The following TSPOAP1 variants were observed in gnomAD, a reference collection of about 807,000 sequenced individuals.
TSPOAP1 encodes TSPO associated protein 1.
A neutral mutation model predicts 197.0 loss-of-function variants in TSPOAP1; 87 were observed. That is an observed-to-expected ratio of 0.44 (90% CI 0.37 to 0.53). The LOEUF is 0.53. Among genes scored for constraint, TSPOAP1 ranks in the 20% least tolerant of loss-of-function variants. The pLI is 0.00. For synonymous variants in TSPOAP1, 913 were observed against 998.9 expected (o/e 0.91, Z 1.62); for missense variants, 2,174 against 2,411.3 (o/e 0.90, Z 2.06).
chr17:58,309,642 T>C lies in TSPOAP1; in HGVS notation c.3892-262A>G, dbSNP rs1229008073. ...CACCAGCCCCTGTGGGACAGGAGCA[T>C]TGAGGAGCAGGCCTCCCCATCCCCT... On this transcript the variant is annotated intron_variant, in intron 21 of 31. Transcript: ENST00000343736. This position sits in a 1 kb window ranked among gnomAD's most constrained non-coding sequence, Gnocchi z 5.0. Among the ~76,000 whole-genome samples, 2 of 152,086 alleles carry C rather than the reference T, an allele frequency of 1.3e-5. No individual in the cohort carries two copies. Among genetic ancestry groups the C allele is most frequent in the Non-Finnish European group, 2.9e-5 (2 of 67,994 alleles).
At chr17:58,307,468 G>C in intron 24 of TSPOAP1, 143 bp downstream of exon 24, 1 of 1,109,920 alleles carries the variant, frequency 9.0e-7, no homozygotes, top group Non-Finnish European at 1.3e-6. Flanking sequence ...AGAAGCAGCA[G>C]AGTCAGGTCC....
chr17:58,319,835 G>A (rs887475683), intron 12 of TSPOAP1, among the ~76,000 whole-genome samples: 2 of 152,244 alleles, frequency 1.3e-5, no homozygotes, highest in Admixed American at 6.5e-5. Context: ...CGGCCACTAT[G>A]GCGAGGCTCC....
In TSPOAP1 at chr17:58,311,159, G is replaced by A. The variant is rs1172456982; in HGVS notation, c.3136C>T (p.Leu1046=). 3.7e-6 allele frequency: 6 copies of A among 1,611,418 alleles called. No homozygotes were observed. The South Asian group carries it at 6.6e-5, about 18-fold the overall frequency. The change falls in exon 19 of 32, where the codon CTG becomes TTG. Residue 1046 remains leucine (L), a synonymous_variant. Coordinates refer to ENST00000343736, the MANE Select transcript of TSPOAP1 (RefSeq NM_004758.4). ...TCACGACACACCTGCAGCAGCTGCAGCTGGGACAACTCCACCAGTACACTG... is the reference window on the plus strand; with the variant it reads ...TCACGACACACCTGCAGCAGCTGCAACTGGGACAACTCCACCAGTACACTG... ...AGSVLVELSQ[L]QLLQVCREVV...
Position 58,306,927 on chromosome 17 carries a change from T to C in TSPOAP1, c.5025A>G (p.Glu1675=), listed in dbSNP as rs1202486794. The change falls in exon 25 of 32, where the codon GAA becomes GAG. Residue 1675 remains glutamate (E), a synonymous_variant. Coordinates refer to ENST00000343736, the MANE Select transcript of TSPOAP1 (RefSeq NM_004758.4). ...DKDADGFYQG[E]GGGRTGYIPC... ...GAATGTAGCCTGTCCGGCCCCCACCTTCGCCCTGGTAGAAGCCATCGGCAT... is the reference window on the plus strand; with the variant it reads ...GAATGTAGCCTGTCCGGCCCCCACCCTCGCCCTGGTAGAAGCCATCGGCAT... The C allele has an allele frequency of 1.9e-6, 3 of 1,613,146 alleles. No individual in the cohort carries two copies. Among genetic ancestry groups the C allele is most frequent in the Non-Finnish European group, 2.5e-6 (3 of 1,180,002 alleles).
chr17:58,323,587 G>T, intron 5 of TSPOAP1, 42 bp from the exon 6 acceptor site: 2 of 1,596,826 alleles, frequency 1.3e-6, no homozygotes, highest in South Asian at 2.3e-5. Flanking sequence ...CTGAGAACAG[G>T]GCCCCAGGGC....
rs566021368 is a variant in TSPOAP1 at position 58,311,414 on chromosome 17, C to T, written c.3081+157G>A. ...GTGATGGAACAGTTCTAAAATCTGT[C>T]ATGTGCTGCCAAAGCCCATGCTCTT... On this transcript the variant is annotated intron_variant, in intron 18 of 31. Transcript: ENST00000343736. 1.2e-3 allele frequency: 1,508 copies of T among 1,261,742 alleles called. 1 individual carries two copies. The highest frequency in any genetic ancestry group is 1.1e-3 in the Non-Finnish European group (987 of 928,248). The allele number at this position is 1,261,742 out of a possible 1,614,324, so 78.2% of individuals were successfully genotyped here.
At position 58,310,509 on chromosome 17, in the gene TSPOAP1, T is replaced by C; in HGVS notation, c.3699+3A>G. 2 of 1,612,724 alleles carry C rather than the reference T, an allele frequency of 1.2e-6. No individual in the cohort carries two copies. The highest frequency in any genetic ancestry group is 8.5e-7 in the Non-Finnish European group (1 of 1,179,630). ...GTGACACAGTGTGTCCCCAAACCCC[T>C]ACCTCAGCCCTGGGCCTCAGCCCAG... On this transcript the variant is annotated splice_donor_region_variant and intron_variant, in intron 20 of 31. Transcript: ENST00000343736.
Position 58,308,628 on chromosome 17 carries a change from G to C in TSPOAP1, c.4644C>G (p.Pro1548=). ...TCTCCCAGGCTGGGAGGCGTGGGTAGGGCTTGGGGCCTGAATTGGCCTTCG... is the reference window on the plus strand; with the variant it reads ...TCTCCCAGGCTGGGAGGCGTGGGTACGGCTTGGGGCCTGAATTGGCCTTCG... ...GPPKANSGPK[P]YPRLPAWEKG... The change falls in exon 22 of 32, where the codon CCC becomes CCG. Residue 1548 remains proline (P), a synonymous_variant. Coordinates refer to ENST00000343736, the MANE Select transcript of TSPOAP1 (RefSeq NM_004758.4). The C allele has an allele frequency of 1.9e-6, 3 of 1,604,052 alleles. No individual in the cohort carries two copies. Among genetic ancestry groups the C allele is most frequent in the African/African-American group, 1.3e-5 (1 of 74,796 alleles).
rs1034608231 is a variant in TSPOAP1 at position 58,310,383 on chromosome 17, C to T, written c.3699+129G>A. The T allele has an allele frequency of 1.8e-5, 25 of 1,396,942 alleles. No individual in the cohort carries two copies. The African/African-American group carries it at 2.8e-4, about 15-fold the overall frequency. 86.5% of individuals were successfully genotyped at this position (1,396,942 alleles called of 1,614,324 possible). A position where few individuals can be genotyped will look rare whatever the true frequency, so the allele number is the denominator to read the frequency against. On this transcript the variant is annotated intron_variant, in intron 20 of 31. Transcript: ENST00000343736. ...CTAGAAGAAAAACAGACACATAGCA[C>T]AGCCAAAGGTGTGAGAGCAGGACCA...
rs1014894969 is a variant in TSPOAP1, at chr17:58,320,006, C to A, written c.1494+103G>T. 7.6e-6 allele frequency: 11 copies of A among 1,454,210 alleles called. No homozygotes were observed. In the African/African-American group the frequency reaches 1.1e-4, roughly 15 times the overall value. The allele number at this position is 1,454,210 out of a possible 1,614,324, so 90.1% of individuals were successfully genotyped here. On this transcript the variant is annotated intron_variant, in intron 12 of 31. Coordinates refer to ENST00000343736, the MANE Select transcript of TSPOAP1 (RefSeq NM_004758.4). ...ATTCTCATGCCTGCTCCCAGTGACA[C>A]CCCCTCTGCTGGATGAGAGAGGGGG...
Position 58,322,938 on chromosome 17 carries a change from C to A in TSPOAP1, c.1194+12G>T, listed in dbSNP as rs199738873. The A allele has an allele frequency of 2.0e-4, 327 of 1,607,636 alleles. 1 individual carries two copies. The African/African-American group carries it at 4.2e-3, about 20-fold the overall frequency. ...AGCACAGGTCTCCACAGCACCTGGGCGGAAGTGGTACCTGCTCCTTCTCTG... is the reference window on the plus strand; with the variant it reads ...AGCACAGGTCTCCACAGCACCTGGGAGGAAGTGGTACCTGCTCCTTCTCTG... On this transcript the variant is annotated intron_variant, in intron 8 of 31. Transcript: ENST00000343736. The surrounding 1 kb of genome is among the most constrained non-coding windows in gnomAD (Gnocchi z 5.0).
At chr17:58,327,428 T>C (rs1326183645) in intron 1 of TSPOAP1, among the ~76,000 whole-genome samples, 160 bp downstream of exon 1, 1 of 152,084 alleles carries the variant, frequency 6.6e-6, no homozygotes, top group East Asian at 1.9e-4. Context: ...TTCTGCTCGA[T>C]GAAGAGAGGA....
Position 58,309,047 on chromosome 17 carries a change from C to T in TSPOAP1, c.4225G>A (p.Gly1409Arg). The T allele has an allele frequency of 6.2e-7, 1 of 1,612,448 alleles. No homozygotes were observed. Among genetic ancestry groups the T allele is most frequent in the Non-Finnish European group, 8.5e-7 (1 of 1,180,022 alleles). ...CTTGGGGGCTTCTCAGGGGAGCCCC[C>T]TCCTCTCCTCCGGCTGCTTCCACCA... ...LVGGSSRRRG[G>R]GSPEKPPSRR... The change falls in exon 22 of 32, where the codon GGG becomes AGG. Residue 1409 changes from glycine (G) to arginine (R), a missense_variant. Gly to Arg is a moderately radical substitution (Grantham distance 125). This residue lies in a region of TSPOAP1 where 1,933 missense variants were observed against 2,139.0 expected (regional missense o/e 0.90). Coordinates refer to ENST00000343736, the MANE Select transcript of TSPOAP1 (RefSeq NM_004758.4). This position sits in a 1 kb window ranked among gnomAD's most constrained non-coding sequence, Gnocchi z 5.0.
intron 26 of TSPOAP1, 96 bp downstream of exon 26, chr17:58,306,246 C>T (rs1970887220): frequency 8.0e-7 from 1 of 1,248,394 alleles, no homozygotes; most frequent in Admixed American, 2.0e-5. Flanking sequence ...GCACACACAT[C>T]CTCCCAGCAC....
intron 14 of TSPOAP1, among the ~76,000 whole-genome samples, chr17:58,316,893 T>C (rs1598070429): frequency 6.6e-6 from 1 of 152,178 alleles, no homozygotes; most frequent in Non-Finnish European, 1.5e-5. Context: ...TTTGGTTCCT[T>C]AAGGTAAAAA....
At position 58,322,251 on chromosome 17, in the gene TSPOAP1, A is replaced by T; in HGVS notation, c.1422+57T>A. On this transcript the variant is annotated intron_variant, in intron 10 of 31. Coordinates refer to ENST00000343736, the MANE Select transcript of TSPOAP1 (RefSeq NM_004758.4). This position sits in a 1 kb window ranked among gnomAD's most constrained non-coding sequence, Gnocchi z 5.0. The stretch of plus-strand genomic sequence containing the variant: ...GCACACAGTAAATGCTTGTGGAATG[A>T]GTGAGTGGCAAAGCTGGTGTCCAGC... The T allele has an allele frequency of 6.6e-7, 1 of 1,525,746 alleles. No homozygotes were observed. The allele number at this position is 1,525,746 out of a possible 1,614,324, so 94.5% of individuals were successfully genotyped here.
Position 58,316,478 on chromosome 17 carries a change from C to T in TSPOAP1, c.1935G>A (p.Ala645=), listed in dbSNP as rs374500504. ...TGGCTCCTCCCCGGCTGCCCTCTGG[C>T]GCAGCTGGGAGCAGGGAGACACTGT... ...EADSVSLLPA[A]PEGSRGGARI... Residue 645 remains alanine (A), a synonymous_variant, in exon 15 of 32, where the codon GCG becomes GCA. Transcript: ENST00000343736. 2.5e-5 allele frequency: 40 copies of T among 1,613,654 alleles called. No homozygotes were observed. The highest frequency in any genetic ancestry group is 1.2e-4 in the South Asian group (11 of 91,056).
rs753921812 is a variant in TSPOAP1 at position 58,304,926 on chromosome 17, C to G, written c.5544+135G>C. 1 of 733,450 alleles carries G rather than the reference C, an allele frequency of 1.4e-6. No individual in the cohort carries two copies. Among genetic ancestry groups the G allele is most frequent in the African/African-American group, 1.7e-5 (1 of 57,740 alleles). 45.4% of individuals were successfully genotyped at this position (733,450 alleles called of 1,614,324 possible). Reference sequence around the variant, plus strand: ...GGGCTCCCCTCTGGTGGTCAATTAGCGGCTGCACGCTGGACACAGTGCTTA... The same window carrying G: ...GGGCTCCCCTCTGGTGGTCAATTAGGGGCTGCACGCTGGACACAGTGCTTA... On this transcript the variant is annotated intron_variant, in intron 30 of 31. Coordinates refer to ENST00000343736, the MANE Select transcript of TSPOAP1 (RefSeq NM_004758.4). The surrounding 1 kb of genome is among the most constrained non-coding windows in gnomAD (Gnocchi z 4.2).
At chr17:58,306,734 C>T (rs1050988840) in intron 25 of TSPOAP1, 66 bp downstream of exon 25, 3 of 1,553,768 alleles carry the variant, frequency 1.9e-6, no homozygotes, top group Non-Finnish European at 2.6e-6. Context: ...ACAACAATTG[C>T]TCAGGGTCAG....
Sources: gnomAD v4.1 joint callset for allele counts (sites outside exome capture counted in the v4.1 genomes callset) on GRCh38, gnomAD v4.1.1 for gene constraint, gnomAD v4.1.1 regional missense constraint, Gnocchi (gnomAD v3.1) non-coding constraint, MANE v1.5 for transcripts, NCBI Gene and HGNC (gene_info 2026-07-23, HGNC 2026-07-21) for gene names.